CEP112: variants seen among roughly 807,000 people sequenced by gnomAD.
The protein encoded by CEP112 is centrosomal protein of 112 kDa.
CEP112 carries 127 observed loss-of-function variants against 153.0 expected under a neutral mutation model. The observed-to-expected ratio is 0.83, with a 90% confidence interval of 0.72 to 0.96. The LOEUF (loss-of-function observed/expected upper bound fraction) is 0.96, where lower values mean the gene tolerates loss of function less well. Ranked by LOEUF, CEP112 falls within the 40% of genes least tolerant of loss-of-function variation. The pLI, the probability that CEP112 is intolerant of heterozygous loss-of-function variation, is 0.00. For missense variants in CEP112, 1,089 were observed against 1,101.2 expected (o/e 0.99, Z 0.16); for synonymous variants, 358 against 374.4 (o/e 0.96, Z 0.51).
intron 18 of CEP112, among the ~76,000 whole-genome samples, chr17:65,957,418 T>C (rs2062038940): frequency 6.6e-6 from 1 of 152,190 alleles, no homozygotes; most frequent in East Asian, 1.9e-4. Flanking sequence ...CATATTTCGA[T>C]TGAGTACTCT....
At chr17:65,895,233 T>C (rs190886166) in intron 20 of CEP112, among the ~76,000 whole-genome samples, 59 of 152,164 alleles carry the variant, frequency 3.9e-4, no homozygotes, top group African/African-American at 1.4e-3. Flanking sequence ...AGTTTCTAGA[T>C]AGGAAATGTC....
intron 16 of CEP112, among the ~76,000 whole-genome samples, chr17:66,006,845 T>C (rs1246574720): frequency 7.3e-6 from 1 of 136,076 alleles, no homozygotes; most frequent in Non-Finnish European, 1.6e-5. Flanking sequence ...GCTACAGACC[T>C]GCTGGTAAGC....
chr17:66,080,135 A>G (rs910885131), intron 8 of CEP112, among the ~76,000 whole-genome samples: 2 of 152,132 alleles, frequency 1.3e-5, no homozygotes, highest in Admixed American at 1.3e-4. Flanking sequence ...AAAACAATGG[A>G]AACAAAAGCC....
At chr17:66,080,695 A>G (rs779986197) in intron 8 of CEP112, among the ~76,000 whole-genome samples, 1 of 152,242 alleles carries the variant, frequency 6.6e-6, no homozygotes, top group South Asian at 2.1e-4. Flanking sequence ...TCATTCTACT[A>G]TAAAGACACA....
intron 21 of CEP112, among the ~76,000 whole-genome samples, chr17:65,812,629 G>T (rs1161038466): frequency 6.6e-6 from 1 of 152,028 alleles, no homozygotes; most frequent in Non-Finnish European, 1.5e-5. Flanking sequence ...ATCTCCACAA[G>T]AAAACAACCA....
intron 12 of CEP112, among the ~76,000 whole-genome samples, chr17:66,048,416 A>G (rs1313910990): frequency 5.9e-5 from 9 of 152,092 alleles, no homozygotes; most frequent in African/African-American, 1.2e-4. Context: ...TAAAGCTGGG[A>G]AAAAAAAGTT....
chr17:66,101,372 G>A (rs904323287), intron 6 of CEP112, among the ~76,000 whole-genome samples: 1 of 151,874 alleles, frequency 6.6e-6, no homozygotes, highest in Non-Finnish European at 1.5e-5. Flanking sequence ...AGAAAATACT[G>A]TATCACAAGG....
intron 23 of CEP112, among the ~76,000 whole-genome samples, chr17:65,742,032 G>A (rs939170515): frequency 2.0e-5 from 3 of 150,832 alleles, no homozygotes; most frequent in African/African-American, 7.3e-5. Flanking sequence ...ATGGTAAAGT[G>A]AAGAGGCCGG....
At chr17:65,827,176 A>C (rs1481325446) in intron 21 of CEP112, among the ~76,000 whole-genome samples, 1 of 152,170 alleles carries the variant, frequency 6.6e-6, no homozygotes, top group Admixed American at 6.5e-5. Context: ...TGAAGGCTGC[A>C]CTGTTGGCTT....
chr17:65,775,570 T>C (rs1300803098), intron 21 of CEP112, among the ~76,000 whole-genome samples: 7 of 152,306 alleles, frequency 4.6e-5, no homozygotes, highest in African/African-American at 1.7e-4. Context: ...GGGTGCGATC[T>C]TGGCTCACTG....
Position 65,784,967 on chromosome 17 carries a change from T to C in CEP112, c.2395-34243A>G, listed in dbSNP as rs185865762. On this transcript the variant is annotated intron_variant, in intron 21 of 26. Coordinates refer to ENST00000535342, the MANE Select transcript of CEP112 (RefSeq NM_001199165.4). ...AAACAACAAAAAAAGAACCCATCCCTATTAACAGTCACTTCCCATTCTCCC... is the reference window on the plus strand; with the variant it reads ...AAACAACAAAAAAAGAACCCATCCCCATTAACAGTCACTTCCCATTCTCCC... 3.9e-5 allele frequency among the ~76,000 whole-genome samples: 6 copies of C among 152,294 alleles called. No individual in the cohort carries two copies. The East Asian group carries it at 1.2e-3, about 29-fold the overall frequency.
At chr17:66,048,861 G>A (rs8079107) in intron 12 of CEP112, among the ~76,000 whole-genome samples, 78,427 of 151,980 alleles carry the variant, frequency 0.52, 21,117 homozygotes, top group African/African-American at 0.59. Flanking sequence ...CGCCCACCTC[G>A]GCCTCCCAAA....
chr17:66,188,302 C>T (rs988010203), intron 1 of CEP112, among the ~76,000 whole-genome samples: 1 of 140,940 alleles, frequency 7.1e-6, no homozygotes, highest in Non-Finnish European at 1.6e-5. Context: ...CACACACACA[C>T]ACACACACAC....
intron 20 of CEP112, among the ~76,000 whole-genome samples, chr17:65,894,055 A>G (rs1327964142): frequency 1.3e-5 from 2 of 152,164 alleles, no homozygotes; most frequent in African/African-American, 4.8e-5. Context: ...TCCAAAAATG[A>G]CTTTTCCAAG....
At chr17:65,929,496 C>T (rs1285675813) in intron 18 of CEP112, among the ~76,000 whole-genome samples, 1 of 152,196 alleles carries the variant, frequency 6.6e-6, no homozygotes, top group Non-Finnish European at 1.5e-5. Flanking sequence ...ACCTTCTAGA[C>T]CACTCAATTT....
chr17:65,698,589 C>A (rs2048467918), intron 23 of CEP112, among the ~76,000 whole-genome samples: 1 of 152,150 alleles, frequency 6.6e-6, no homozygotes, highest in South Asian at 2.1e-4. Flanking sequence ...CCTAGTCACA[C>A]AAAAGACCAT....
At chr17:65,883,875 G>A (rs947854243) in intron 20 of CEP112, among the ~76,000 whole-genome samples, 26 of 152,244 alleles carry the variant, frequency 1.7e-4, no homozygotes, top group Middle Eastern at 3.4e-3. Context: ...GATCAATTTG[G>A]GGGACTGAAT....
intron 4 of CEP112, among the ~76,000 whole-genome samples, chr17:66,154,307 G>C: frequency 6.6e-6 from 1 of 152,102 alleles, no homozygotes; most frequent in East Asian, 1.9e-4. Context: ...TTGAGGTCAA[G>C]AGTTCAAGAC....
intron 6 of CEP112, among the ~76,000 whole-genome samples, chr17:66,123,937 G>C (rs758866479): frequency 1.3e-5 from 2 of 152,034 alleles, no homozygotes; most frequent in Non-Finnish European, 2.9e-5. Flanking sequence ...GAAAAATGGC[G>C]ATGCTTGTTC....
Sources: gnomAD v4.1 joint callset for allele counts (sites outside exome capture counted in the v4.1 genomes callset) on GRCh38, gnomAD v4.1.1 for gene constraint, MANE v1.5 for transcripts, NCBI Gene and HGNC (gene_info 2026-07-23, HGNC 2026-07-21) for gene names.